Variants in HHIPL1 observed in about 807,000 individuals in gnomAD.
HHIPL1 encodes the protein HHIP like 1, also known as HHIP-like protein 1.
HHIPL1 carries 43 observed loss-of-function variants against 61.8 expected under a neutral mutation model. That is an observed-to-expected ratio of 0.70 (90% CI 0.55 to 0.90). The LOEUF (loss-of-function observed/expected upper bound fraction) is 0.90, where lower values mean the gene tolerates loss of function less well. Ranked by LOEUF, HHIPL1 falls within the 40% of genes least tolerant of loss-of-function variation. HHIPL1 has a pLI of 0.00. For missense variants in HHIPL1, 1,056 were observed against 1,157.7 expected (o/e 0.91, Z 1.28); for synonymous variants, 482 against 515.8 (o/e 0.93, Z 0.89).
chr14:99,656,376 A>G (rs1260934325), intron 2 of HHIPL1, among the ~76,000 whole-genome samples: 1 of 152,092 alleles, frequency 6.6e-6, no homozygotes, highest in Non-Finnish European at 1.5e-5. Flanking sequence ...AAGTTGCTCA[A>G]CCTCTCTGAG....
chr14:99,659,417 C>A lies in HHIPL1; in HGVS notation c.1047-11C>A, dbSNP rs982796823. 6 of 1,426,392 alleles carry A rather than the reference C, an allele frequency of 4.2e-6. No homozygotes were observed. Among genetic ancestry groups the A allele is most frequent in the Non-Finnish European group, 4.6e-6 (5 of 1,093,240 alleles). The allele number at this position is 1,426,392 out of a possible 1,614,324, so 88.4% of individuals were successfully genotyped here. On this transcript the variant is annotated splice_polypyrimidine_tract_variant and intron_variant, in intron 3 of 8. Transcript: ENST00000330710. ...GACCCCGAGCCGCGCCCTCTCCCAC[C>A]CCGCCCGCAGGTCGGCGCTGCTGGG...
the HHIPL1 span, among the ~76,000 whole-genome samples, chr14:99,632,512 A>C: frequency 6.6e-6 from 1 of 152,102 alleles, no homozygotes; most frequent in Admixed American, 6.5e-5. Context: ...CTACCTCTAA[A>C]TAGGCTCCCA....
intron 6 of HHIPL1, among the ~76,000 whole-genome samples, chr14:99,667,317 G>A (rs1384635374): frequency 7.3e-6 from 1 of 137,794 alleles, no homozygotes; most frequent in African/African-American, 2.4e-5. Flanking sequence ...ACTTCTCTGA[G>A]CCTCTTTTTT....
chr14:99,656,781 GA>G (rs371082408), intron 2 of HHIPL1, among the ~76,000 whole-genome samples: 89 of 1,464 alleles, frequency 0.061, 6 homozygotes, highest in South Asian at 0.37. Context: ...TCTGCAAAAA[GA>G]AAAGAAAAGA....
At chr14:99,642,611 C>A (rs146557355), upstream of HHIPL1, among the ~76,000 whole-genome samples, 2,310 of 151,774 alleles carry the variant, frequency 0.015, 55 homozygotes, top group African/African-American at 0.053. Context: ...TTGCAAGTTC[C>A]GCCTCCTGGG....
At chr14:99,659,843 CG>C (rs1285659561) in intron 4 of HHIPL1, 87 bp downstream of exon 4, 41 of 575,542 alleles carry the variant, frequency 7.1e-5, no homozygotes, top group South Asian at 2.9e-4. Context: ...CCTCGGAGAC[CG>C]CACCCCCCCC....
Position 99,668,421 on chromosome 14 carries a change from A to G in HHIPL1, c.1730+118A>G. The G allele has an allele frequency of 1.5e-6, 1 of 681,394 alleles. No individual in the cohort carries two copies. Among genetic ancestry groups the G allele is most frequent in the Non-Finnish European group, 2.7e-6 (1 of 376,670 alleles). The allele number at this position is 681,394 out of a possible 1,614,324, so 42.2% of individuals were successfully genotyped here. On this transcript the variant is annotated intron_variant, in intron 7 of 8. Coordinates refer to ENST00000330710, the MANE Select transcript of HHIPL1 (RefSeq NM_001127258.3). This position sits in a 1 kb window ranked among gnomAD's most constrained non-coding sequence, Gnocchi z 4.7. ...TGGTATTAATCCCCATTTTCAGACAAGAACCCTGAGGCCCAGAGAGGGACG... is the reference window on the plus strand; with the variant it reads ...TGGTATTAATCCCCATTTTCAGACAGGAACCCTGAGGCCCAGAGAGGGACG...
chr14:99,668,341 C>CT lies in HHIPL1; in HGVS notation c.1730+39dup. ...CTCCAGGACAGGGAGCTCCTGCTGT[C>CT]TGTCAGGCCTCTTAGCTCCACGGGC... is the stretch of plus-strand genomic sequence containing the variant. On this transcript the variant is annotated intron_variant, in intron 7 of 8. Transcript: ENST00000330710. This position sits in a 1 kb window ranked among gnomAD's most constrained non-coding sequence, Gnocchi z 4.7. 1 of 1,251,406 alleles carries CT rather than the reference C, an allele frequency of 8.0e-7. No homozygotes were observed. Among genetic ancestry groups the CT allele is most frequent in the Non-Finnish European group, 1.2e-6 (1 of 849,666 alleles). The allele number at this position is 1,251,406 out of a possible 1,614,324, so 77.5% of individuals were successfully genotyped here. A position where few individuals can be genotyped will look rare whatever the true frequency, so the allele number is the denominator to read the frequency against.
At position 99,660,128 on chromosome 14, in the gene HHIPL1, CG is replaced by C; in HGVS notation, c.1376-151del. 135 of 649,276 alleles carry C rather than the reference CG, an allele frequency of 2.1e-4. 4 individuals carry two copies. Among genetic ancestry groups the C allele is most frequent in the South Asian group, 7.6e-4 (29 of 38,120 alleles). The allele number at this position is 649,276 out of a possible 1,614,324, so 40.2% of individuals were successfully genotyped here. A position where few individuals can be genotyped will look rare whatever the true frequency, so the allele number is the denominator to read the frequency against. On this transcript the variant is annotated intron_variant, in intron 4 of 8. Transcript: ENST00000330710. This position sits in a 1 kb window ranked among gnomAD's most constrained non-coding sequence, Gnocchi z 4.9. The stretch of plus-strand genomic sequence containing the variant: ...ACCCCTGCAGACACGCTTTCCACCA[CG>C]CCAGCCCTGCTGTGGGCACGCCAGC...
At chr14:99,650,490 G>A (rs1407277318) in intron 1 of HHIPL1, among the ~76,000 whole-genome samples, 1 of 152,256 alleles carries the variant, frequency 6.6e-6, no homozygotes, top group African/African-American at 2.4e-5. Flanking sequence ...GCCTGGAGCT[G>A]TAGGGGTAGG....
chr14:99,614,940 G>A, the HHIPL1 span, among the ~76,000 whole-genome samples: 1 of 152,040 alleles, frequency 6.6e-6, no homozygotes, highest in East Asian at 1.9e-4. Context: ...TCCATAAAAA[G>A]GGCCAGAAGA....
the HHIPL1 span, among the ~76,000 whole-genome samples, chr14:99,614,683 C>T: frequency 3.2e-4 from 48 of 152,272 alleles, 1 homozygote; most frequent in African/African-American, 1.1e-3. Flanking sequence ...TACACCCCTC[C>T]CCAAGCATCT....
chr14:99,662,274 C>T (rs1201621935), intron 5 of HHIPL1, among the ~76,000 whole-genome samples: 1 of 152,066 alleles, frequency 6.6e-6, no homozygotes. Context: ...GGGAGGGCTT[C>T]ACAGAGGAGG....
intron 6 of HHIPL1, among the ~76,000 whole-genome samples, chr14:99,666,825 G>A (rs777101444): frequency 2.7e-4 from 41 of 152,152 alleles, no homozygotes; most frequent in Non-Finnish European, 4.7e-4. Flanking sequence ...AGTGGGACTG[G>A]TGCCCCTGGG....
chr14:99,654,188 C>CA (rs754501639), intron 2 of HHIPL1, among the ~76,000 whole-genome samples: 49,599 of 89,668 alleles, frequency 0.55, 13,084 homozygotes, highest in Middle Eastern at 0.7. Context: ...GACTCTGTCT[C>CA]AAAAAAAAAA....
Position 99,668,980 on chromosome 14 carries a change from A to C in HHIPL1, c.1730+677A>C, listed in dbSNP as rs748079559. The C allele has an allele frequency of 4.3e-5, 67 of 1,571,146 alleles. No individual in the cohort carries two copies. The highest frequency in any genetic ancestry group is 1.5e-4 in the Admixed American group (8 of 54,058). On this transcript the variant is annotated intron_variant, in intron 7 of 8. Transcript: ENST00000330710. This position sits in a 1 kb window ranked among gnomAD's most constrained non-coding sequence, Gnocchi z 4.7. Reference sequence around the variant, plus strand: ...GGGGCCCAGGGCCAGGGTGGGGCCCAGGCCACTGGCTCCAGAGCCCTGCCC... The same window carrying C: ...GGGGCCCAGGGCCAGGGTGGGGCCCCGGCCACTGGCTCCAGAGCCCTGCCC...
chr14:99,645,249 G>C lies in HHIPL1; in HGVS notation c.42G>C (p.Val14=). ...ARAGALLALW[V]LGAAAHPQCL... is the part of the protein sequence containing the mutation. The stretch of plus-strand genomic sequence containing the variant: ...CCGGGGCGCTGCTGGCGCTTTGGGT[G>C]CTCGGGGCCGCCGCGCATCCGCAGT... Residue 14 remains valine (V), a synonymous_variant, in exon 1 of 9, where the codon GTG becomes GTC. Coordinates refer to ENST00000330710, the MANE Select transcript of HHIPL1 (RefSeq NM_001127258.3). 1 of 1,376,848 alleles carries C rather than the reference G, an allele frequency of 7.3e-7. No individual in the cohort carries two copies. Among genetic ancestry groups the C allele is most frequent in the Non-Finnish European group, 9.4e-7 (1 of 1,069,208 alleles). The allele number at this position is 1,376,848 out of a possible 1,614,324, so 85.3% of individuals were successfully genotyped here.
the HHIPL1 span, among the ~76,000 whole-genome samples, chr14:99,627,199 TCCATCC>T: frequency 1.1e-4 from 1 of 9,312 alleles, no homozygotes; most frequent in East Asian, 0.083. This position sits in a 1 kb window ranked among gnomAD's most constrained non-coding sequence, Gnocchi z 4.4. Flanking sequence ...TATCTTCCCA[TCCATCC>T]ATCCATCCAT....
chr14:99,605,387 C>CGGGGGGGGGGGGGGGGGGGGG, the HHIPL1 span, among the ~76,000 whole-genome samples: 1 of 115,836 alleles, frequency 8.6e-6, no homozygotes. Flanking sequence ...CGGGGCGGGG[C>CGGGGGGGGGGGGGGGGGGGGG]GGGGGGGGGT....
Sources: allele counts gnomAD v4.1 joint callset (sites outside exome capture counted in the v4.1 genomes callset), GRCh38; gene constraint gnomAD v4.1.1; non-coding constraint Gnocchi (gnomAD v3.1); transcripts MANE v1.5; gene names NCBI Gene and HGNC (gene_info 2026-07-23, HGNC 2026-07-21).